Variants in COPZ2 observed in about 807,000 individuals in gnomAD.
The protein encoded by COPZ2 is coatomer subunit zeta-2.
COPZ2 carries 30 observed loss-of-function variants against 33.2 expected under a neutral mutation model. The observed-to-expected ratio is 0.90, with a 90% CI of 0.68 to 1.23. COPZ2 has a LOEUF of 1.23. Among genes scored for constraint, COPZ2 ranks in the 50% most tolerant of loss-of-function variants. The pLI is 0.00. For missense variants in COPZ2, 263 were observed against 262.4 expected, an observed-to-expected ratio of 1.00 and a Z score of -0.02; for synonymous variants, 89 against 102.6, an observed-to-expected ratio of 0.87 and a Z score of 0.80.
chr17:48,032,812 GC>G, intron 4 of COPZ2, 71 bp from the exon 5 acceptor site: 1 of 1,270,578 alleles, frequency 7.9e-7, no homozygotes, highest in Non-Finnish European at 1.1e-6. Flanking sequence ...AGCACTTGGA[GC>G]CCACCTGTGC....
chr17:48,026,430 A>G lies in COPZ2; in HGVS notation c.631T>C (p.Ter211ArgextTer39). The stretch of plus-strand genomic sequence containing the variant: ...AGGGAGCCTTGAATCCACAGCCTTC[A>G]TTTCAATAACGACCATTTAATTTGT... The part of the protein sequence containing the change: ...KEQIKWSLLK[*>R] The change falls in exon 9 of 9, where the codon TGA becomes CGA. Residue 211 changes from the stop codon to arginine (R), a stop_lost. Transcript: ENST00000621465. 1.9e-6 allele frequency: 3 copies of G among 1,612,636 alleles called. No homozygotes were observed. Among genetic ancestry groups the G allele is most frequent in the Non-Finnish European group, 2.5e-6 (3 of 1,178,736 alleles).
At position 48,037,709 on chromosome 17, in the gene COPZ2, GC is replaced by G. The variant is rs1173671608; in HGVS notation, c.68del (p.Gly23AlafsTer30). The G allele has an allele frequency of 1.7e-4, 186 of 1,087,126 alleles. 1 individual carries two copies. In the African/African-American group the frequency reaches 2.5e-3, roughly 15 times the overall value. 67.3% of individuals were successfully genotyped at this position (1,087,126 alleles called of 1,614,324 possible). ...CCCCGGCTCGAGCAGGCGGCGCCGG[GC>G]CCCCGGCCTGGGCCGCCGCGGCCCC... is the stretch of plus-strand genomic sequence containing the variant. ...GEGAAAAQAG[G>X]PAPPARAGEP... On this transcript the variant is annotated frameshift_variant, in exon 1 of 9. Transcript: ENST00000621465. LOFTEE classifies it high-confidence loss of function. This position sits in a 1 kb window ranked among gnomAD's most constrained non-coding sequence, Gnocchi z 5.6.
rs114141739 is a variant in COPZ2 at position 48,028,270 on chromosome 17, C to T, written c.585+202G>A. ...ACATGCCCATCCATCCATTAGTACCCAGCTCCCCTGAGTTGGAGAGCCCGG... is the reference window on the plus strand; with the variant it reads ...ACATGCCCATCCATCCATTAGTACCTAGCTCCCCTGAGTTGGAGAGCCCGG... On this transcript the variant is annotated intron_variant, in intron 8 of 8. Transcript: ENST00000621465. This position sits in a 1 kb window ranked among gnomAD's most constrained non-coding sequence, Gnocchi z 4.5. Among the ~76,000 whole-genome samples the T allele has an allele frequency of 4.3e-4, 65 of 152,286 alleles. No homozygotes were observed. Among genetic ancestry groups the T allele is most frequent in the African/African-American group, 1.6e-3 (65 of 41,574 alleles).
the COPZ2 span, chr17:48,043,488 A>T: frequency 1.0e-6 from 1 of 983,718 alleles, no homozygotes; most frequent in Non-Finnish European, 1.2e-6. Flanking sequence ...GTGTGTGTGG[A>T]ATATGAGGCG....
Position 48,037,742 on chromosome 17 carries a change from C to T in COPZ2, c.36G>A (p.Pro12=). 1 of 1,055,848 alleles carries T rather than the reference C, an allele frequency of 9.5e-7. No individual in the cohort carries two copies. Among genetic ancestry groups the T allele is most frequent in the Non-Finnish European group, 1.1e-6 (1 of 877,994 alleles). 65.4% of individuals were successfully genotyped at this position (1,055,848 alleles called of 1,614,324 possible). A position where few individuals can be genotyped will look rare whatever the true frequency, so the allele number is the denominator to read the frequency against. ...CCTGGGCCGCCGCGGCCCCCTCCCC[C>T]GGGTGCGGACGTGGCCAGGCCTCGG... ...QRPEAWPRPH[P]GEGAAAAQAG... Residue 12 remains proline (P), a synonymous_variant, in exon 1 of 9, where the codon CCG becomes CCA. Coordinates refer to ENST00000621465, the MANE Select transcript of COPZ2 (RefSeq NM_016429.4). This position sits in a 1 kb window ranked among gnomAD's most constrained non-coding sequence, Gnocchi z 5.6.
At position 48,026,369 on chromosome 17, in the gene COPZ2, G is replaced by T; in HGVS notation, c.*59C>A. 7.1e-7 allele frequency: 1 copy of T among 1,400,836 alleles called. No individual in the cohort carries two copies. Among genetic ancestry groups the T allele is most frequent in the Non-Finnish European group, 1.0e-6 (1 of 987,306 alleles). 86.8% of individuals were successfully genotyped at this position (1,400,836 alleles called of 1,614,324 possible). A position where few individuals can be genotyped will look rare whatever the true frequency, so the allele number is the denominator to read the frequency against. ...GTCTCTCCTGACCCTGGGATCTTTGGGCTTTTGCCAGGATTGGGGAAATGA... is the reference window on the plus strand; with the variant it reads ...GTCTCTCCTGACCCTGGGATCTTTGTGCTTTTGCCAGGATTGGGGAAATGA... On this transcript the variant is annotated 3_prime_UTR_variant, in exon 9 of 9. Transcript: ENST00000621465.
chr17:48,029,218 C>T, intron 6 of COPZ2, 42 bp from the exon 7 acceptor site: 1 of 1,528,848 alleles, frequency 6.5e-7, no homozygotes, highest in Non-Finnish European at 8.9e-7. Context: ...ATCAGTGGCA[C>T]AATCCTCCCC....
intron 4 of COPZ2, 96 bp downstream of exon 4, chr17:48,033,115 G>T: frequency 1.2e-6 from 1 of 850,568 alleles, no homozygotes; most frequent in Non-Finnish European, 1.9e-6. Context: ...GGGGTCCAAT[G>T]GTGAGCCTCC....
At position 48,037,451 on chromosome 17, in the gene COPZ2, C is replaced by CA. The variant is rs1457994450; in HGVS notation, c.111+215dup. ...CCGCCACCCCCACTCCAAACGGACC[C>CA]AGAACTTCAGCCCCGCGCCGACGGA... On this transcript the variant is annotated intron_variant, in intron 1 of 8. Transcript: ENST00000621465. The surrounding 1 kb of genome is among the most constrained non-coding windows in gnomAD (Gnocchi z 5.6). Among the ~76,000 whole-genome samples, 3 of 152,234 alleles carry CA rather than the reference C, an allele frequency of 2.0e-5. No individual in the cohort carries two copies. Among genetic ancestry groups the CA allele is most frequent in the Non-Finnish European group, 4.4e-5 (3 of 68,036 alleles).
chr17:48,037,660 T>C lies in COPZ2; in HGVS notation c.111+7A>G. 1.9e-6 allele frequency: 2 copies of C among 1,076,184 alleles called. No homozygotes were observed. Among genetic ancestry groups the C allele is most frequent in the South Asian group, 4.2e-5 (1 of 24,080 alleles). The allele number at this position is 1,076,184 out of a possible 1,614,324, so 66.7% of individuals were successfully genotyped here. ...GCCCGGGATCCCCGCGCCCGCCCGCTCCGTACCCGCAGCCCCGAGGGCTCC... is the reference window on the plus strand; with the variant it reads ...GCCCGGGATCCCCGCGCCCGCCCGCCCCGTACCCGCAGCCCCGAGGGCTCC... On this transcript the variant is annotated splice_region_variant and intron_variant, in intron 1 of 8. Transcript: ENST00000621465. This position sits in a 1 kb window ranked among gnomAD's most constrained non-coding sequence, Gnocchi z 5.6.
the COPZ2 span, among the ~76,000 whole-genome samples, chr17:48,044,872 C>CT: frequency 1.3e-5 from 2 of 152,348 alleles, no homozygotes; most frequent in African/African-American, 4.8e-5. Context: ...AGGCAATCAT[C>CT]TATCTAATCT....
chr17:48,037,309 G>T lies in COPZ2; in HGVS notation c.111+358C>A. 2.1e-6 allele frequency: 1 copy of T among 466,214 alleles called. No homozygotes were observed. 28.9% of individuals were successfully genotyped at this position (466,214 alleles called of 1,614,324 possible). On this transcript the variant is annotated intron_variant, in intron 1 of 8. Transcript: ENST00000621465. The surrounding 1 kb of genome is among the most constrained non-coding windows in gnomAD (Gnocchi z 5.6). ...CGGGCTGGACCTGCGCTATCAGCGC[G>T]CCCCCAGGCCCTGGCCCGGGTAGAC...
chr17:48,043,501 G>T, the COPZ2 span: 1 of 985,092 alleles, frequency 1.0e-6, no homozygotes, highest in Non-Finnish European at 1.2e-6. Flanking sequence ...ATGAGGCGTG[G>T]AAGTGTGTAC....
upstream of COPZ2, among the ~76,000 whole-genome samples, chr17:48,041,427 G>A (rs903338600): frequency 6.6e-6 from 1 of 152,158 alleles, no homozygotes. Context: ...TGGAATGTGA[G>A]GGGTAAGGGA....
chr17:48,031,887 C>T (rs777211727), intron 6 of COPZ2: 45 of 505,078 alleles, frequency 8.9e-5, no homozygotes, highest in Non-Finnish European at 1.5e-4. Flanking sequence ...TGGATTTTCC[C>T]CAAACCCTGC....
chr17:48,039,056 C>A (rs2037034433), upstream of COPZ2, among the ~76,000 whole-genome samples: 1 of 152,122 alleles, frequency 6.6e-6, no homozygotes, highest in South Asian at 2.1e-4. Context: ...CTCACTGCAG[C>A]CTCAACCTCC....
rs1176380243 is a variant in COPZ2, at chr17:48,036,654, AG to A, written c.186+196del. 3.3e-5 allele frequency among the ~76,000 whole-genome samples: 5 copies of A among 152,328 alleles called. No individual in the cohort carries two copies. The South Asian group carries it at 6.2e-4, about 19-fold the overall frequency. ...TAGCAGGATGATAAGGAAACATTTC[AG>A]GGAACATGAGTAGAAATAGAGGAGA... On this transcript the variant is annotated intron_variant, in intron 2 of 8. Transcript: ENST00000621465.
upstream of COPZ2, among the ~76,000 whole-genome samples, chr17:48,038,782 G>A (rs1336458677): frequency 6.6e-6 from 1 of 152,162 alleles, no homozygotes; most frequent in East Asian, 1.9e-4. Flanking sequence ...ACTTACCCTA[G>A]ATGGTTACAG....
intron 6 of COPZ2, chr17:48,031,587 A>C (rs2036895403): frequency 1.3e-5 from 2 of 152,492 alleles, no homozygotes; most frequent in South Asian, 4.1e-4. Flanking sequence ...GCTTCCTAAG[A>C]ATATACTAGC....
Sources: allele counts gnomAD v4.1 joint callset (sites outside exome capture counted in the v4.1 genomes callset), GRCh38; gene constraint gnomAD v4.1.1; non-coding constraint Gnocchi (gnomAD v3.1); transcripts MANE v1.5; gene names NCBI Gene and HGNC (gene_info 2026-07-23, HGNC 2026-07-21).